The following NFATC2IP variants were observed in gnomAD, a reference collection of about 807,000 sequenced individuals.
The protein encoded by NFATC2IP is NFATC2-interacting protein.
A neutral mutation model predicts 40.2 loss-of-function variants in NFATC2IP; 25 were observed. That is an observed-to-expected ratio of 0.62 (90% CI 0.45 to 0.87). The LOEUF (loss-of-function observed/expected upper bound fraction) is 0.87. NFATC2IP is among the 40% of genes least tolerant of loss of function. The probability of loss-of-function intolerance (pLI) is 0.00; values close to 1 mark genes in which losing one functional copy is unlikely to be tolerated. For synonymous variants in NFATC2IP, 241 were observed against 236.3 expected (o/e 1.02, Z -0.18); for missense variants, 553 against 555.6 (o/e 1.00, Z 0.05).
At chr16:28,952,321 A>AG in intron 2 of NFATC2IP, 117 bp downstream of exon 2, 1 of 1,490,256 alleles carries the variant, frequency 6.7e-7, no homozygotes, top group Non-Finnish European at 9.0e-7. Context: ...AGCGTGGGAG[A>AG]GGGGACTCCT....
Position 28,963,927 on chromosome 16 carries a change from C to T in NFATC2IP, c.*64C>T. The T allele has an allele frequency of 6.7e-7, 1 of 1,497,038 alleles. No homozygotes were observed. The highest frequency in any genetic ancestry group is 9.2e-7 in the Non-Finnish European group (1 of 1,081,524). The allele number at this position is 1,497,038 out of a possible 1,614,324, so 92.7% of individuals were successfully genotyped here. ...GGAGAATGACTTTCCCTTTTTTGCCCCATAAGGGCTAGCATAAGCTGAGGT... is the reference window on the plus strand; with the variant it reads ...GGAGAATGACTTTCCCTTTTTTGCCTCATAAGGGCTAGCATAAGCTGAGGT... On this transcript the variant is annotated 3_prime_UTR_variant, in exon 8 of 8. Coordinates refer to ENST00000320805, the MANE Select transcript of NFATC2IP (RefSeq NM_032815.4).
chr16:28,951,914 A>G (rs1234335678), intron 1 of NFATC2IP, among the ~76,000 whole-genome samples: 1 of 152,082 alleles, frequency 6.6e-6, no homozygotes, highest in Non-Finnish European at 1.5e-5. Context: ...GGAAGCATAC[A>G]TTTCAGAGTG....
intron 2 of NFATC2IP, among the ~76,000 whole-genome samples, chr16:28,954,222 T>C (rs191939374): frequency 2.3e-3 from 351 of 152,340 alleles, no homozygotes; most frequent in Admixed American, 2.8e-3. Context: ...ATCTAGGGTT[T>C]CTTATCATTT....
intron 5 of NFATC2IP, chr16:28,956,539 T>C (rs2141642463): frequency 1.7e-6 from 1 of 571,770 alleles, no homozygotes; most frequent in East Asian, 2.9e-5. Context: ...TCCCCTCTCT[T>C]TCTGGCAAAC....
rs765645344 is a variant in NFATC2IP at position 28,956,272 on chromosome 16, A to AC, written c.787dup (p.Arg263ProfsTer12). On this transcript the variant is annotated frameshift_variant, in exon 5 of 8. Transcript: ENST00000320805. LOFTEE classifies it high-confidence loss of function. Reference sequence around the variant, plus strand: ...GGTGGAAGGGCCCACCCTCCCAGAGACCCCCCGACTCTTCCCACTCAAAAT... The same window carrying AC: ...GGTGGAAGGGCCCACCCTCCCAGAGACCCCCCCGACTCTTCCCACTCAAAAT... 2.5e-6 allele frequency: 4 copies of AC among 1,613,336 alleles called. No homozygotes were observed. The highest frequency in any genetic ancestry group is 1.7e-5 in the Admixed American group (1 of 59,884).
chr16:28,957,056 C>T (rs1028823314), intron 5 of NFATC2IP: 7 of 151,688 alleles, frequency 4.6e-5, no homozygotes, highest in East Asian at 1.9e-4. Context: ...TTTTTTGAGA[C>T]GGGGTCTCAC....
rs1169915925 is a variant in NFATC2IP at position 28,951,330 on chromosome 16, G to A, written c.319G>A (p.Val107Ile). The A allele has an allele frequency of 2.8e-6, 4 of 1,406,430 alleles. No individual in the cohort carries two copies. The highest frequency in any genetic ancestry group is 1.6e-5 in the South Asian group (1 of 62,872). The allele number at this position is 1,406,430 out of a possible 1,614,324, so 87.1% of individuals were successfully genotyped here. ...RRPAGPPREP[V>I]RRRRRLVLDP... ...GCCCGCAGGACCCCCGCGGGAGCCG[G>A]TCAGGCGGCGGCGGCGGCTGGTGCT... The change falls in exon 1 of 8, where the codon GTC becomes ATC. Residue 107 changes from valine to isoleucine, a missense_variant. Val to Ile is a conservative substitution (Grantham distance 29). Coordinates refer to ENST00000320805, the MANE Select transcript of NFATC2IP (RefSeq NM_032815.4).
chr16:28,962,741 G>T (rs1201447376), intron 7 of NFATC2IP, among the ~76,000 whole-genome samples: 1 of 152,196 alleles, frequency 6.6e-6, no homozygotes. Context: ...GTCCCTCAGG[G>T]TCTCTTCATG....
Position 28,956,301 on chromosome 16 carries a change from T to G in NFATC2IP, c.810T>G (p.Arg270=), listed in dbSNP as rs528905320. 4.3e-6 allele frequency: 7 copies of G among 1,614,016 alleles called. No homozygotes were observed. The African/African-American group carries it at 8.0e-5, about 18-fold the overall frequency. Reference sequence around the variant, plus strand: ...CCCGACTCTTCCCACTCAAAATCCGTTGCCGGGCTGACCTGGTCAGATTGC... The same window carrying G: ...CCCGACTCTTCCCACTCAAAATCCGGTGCCGGGCTGACCTGGTCAGATTGC... ...ETPRLFPLKI[R]CRADLVRLPL... Residue 270 remains arginine (R), a synonymous_variant, in exon 5 of 8, where the codon CGT becomes CGG. Transcript: ENST00000320805.
At chr16:28,958,513 A>G in intron 5 of NFATC2IP, 1 of 527,960 alleles carries the variant, frequency 1.9e-6, no homozygotes, top group Non-Finnish European at 3.4e-6. Flanking sequence ...GTTCTAACCC[A>G]TGGCTGCTAT....
At chr16:28,960,979 C>G (rs1308258350) in intron 7 of NFATC2IP, among the ~76,000 whole-genome samples, 2 of 152,118 alleles carry the variant, frequency 1.3e-5, no homozygotes, top group Non-Finnish European at 1.5e-5. Flanking sequence ...GTCCATATTT[C>G]TACCAGCAGT....
chr16:28,955,179 G>A lies in NFATC2IP; in HGVS notation c.578+497G>A, dbSNP rs188127384. Among the ~76,000 whole-genome samples the A allele has an allele frequency of 6.1e-4, 93 of 152,274 alleles. 1 individual carries two copies. The East Asian group carries it at 0.017, about 27-fold the overall frequency. ...ACTATACTCCAGCCTGGGTGACAGA[G>A]TGAGACCCTGTCTCTAAAAAGCAAA... is the stretch of plus-strand genomic sequence containing the variant. On this transcript the variant is annotated intron_variant, in intron 3 of 7. Transcript: ENST00000320805.
At chr16:28,957,931 G>A (rs1965039550) in intron 5 of NFATC2IP, 2 of 151,936 alleles carry the variant, frequency 1.3e-5, no homozygotes. Context: ...TCAGGAGTTC[G>A]AGACCAGCCT....
intron 7 of NFATC2IP, among the ~76,000 whole-genome samples, chr16:28,960,445 A>G (rs765817057): frequency 6.6e-6 from 1 of 152,168 alleles, no homozygotes; most frequent in Admixed American, 6.6e-5. Flanking sequence ...TCTCATTTAA[A>G]TATAATCAAC....
rs1965055532 is a variant in NFATC2IP, at chr16:28,959,108, G to A, written c.1101+8G>A. 2.6e-6 allele frequency: 4 copies of A among 1,558,990 alleles called. No homozygotes were observed. Among genetic ancestry groups the A allele is most frequent in the Non-Finnish European group, 3.5e-6 (4 of 1,129,928 alleles). The stretch of plus-strand genomic sequence containing the variant: ...GAAGTCTCACTGTCTCGAGTGAGTG[G>A]GAGAGATGGCTCTCCACGCCCCTCA... On this transcript the variant is annotated splice_region_variant and intron_variant, in intron 7 of 7. Coordinates refer to ENST00000320805, the MANE Select transcript of NFATC2IP (RefSeq NM_032815.4).
At chr16:28,959,127 C>A (rs1965055740) in intron 7 of NFATC2IP, 27 bp downstream of exon 7, 1 of 1,365,176 alleles carries the variant, frequency 7.3e-7, no homozygotes, top group South Asian at 1.2e-5. Context: ...GCTCTCCACG[C>A]CCCTCACCCT....
intron 3 of NFATC2IP, 118 bp downstream of exon 3, chr16:28,954,800 T>C: frequency 1.6e-6 from 1 of 631,724 alleles, no homozygotes; most frequent in Non-Finnish European, 2.8e-6. Context: ...ATAGAAGGAC[T>C]GTTGAGTTTC....
At position 28,951,987 on chromosome 16, in the gene NFATC2IP, T is replaced by G. The variant is rs1277813963; in HGVS notation, c.388-145T>G. ...ATTCTGAATCCTGGGGAAGCTGGAC[T>G]TCTAGGTTGCCAGGAGAGGGCCAAG... On this transcript the variant is annotated intron_variant, in intron 1 of 7. Transcript: ENST00000320805. 8.3e-6 allele frequency: 8 copies of G among 962,382 alleles called. No individual in the cohort carries two copies. In the Admixed American group the frequency reaches 1.4e-4, roughly 17 times the overall value. 59.6% of individuals were successfully genotyped at this position (962,382 alleles called of 1,614,324 possible).
At chr16:28,962,087 G>A (rs1009359509) in intron 7 of NFATC2IP, among the ~76,000 whole-genome samples, 1 of 151,276 alleles carries the variant, frequency 6.6e-6, no homozygotes, top group Non-Finnish European at 1.5e-5. Flanking sequence ...AATTTTTTTT[G>A]TGTAGACGGG....
Sources: gnomAD v4.1 joint callset for allele counts (sites outside exome capture counted in the v4.1 genomes callset) on GRCh38, gnomAD v4.1.1 for gene constraint, MANE v1.5 for transcripts, NCBI Gene and HGNC (gene_info 2026-07-23, HGNC 2026-07-21) for gene names.